Variants in TYW1 observed in about 807,000 individuals in gnomAD.
TYW1 encodes tRNA-yW synthesizing protein 1 homolog, also known as S-adenosyl-L-methionine-dependent tRNA 4-demethylwyosine synthase TYW1.
In TYW1, 46 loss-of-function variants were observed where a neutral mutation model predicts 96.2. That is an observed-to-expected ratio of 0.48 (90% CI 0.38 to 0.61). The LOEUF (loss-of-function observed/expected upper bound fraction) is 0.61, where lower values mean the gene tolerates loss of function less well. Among genes scored for constraint, TYW1 ranks in the 20% least tolerant of loss-of-function variants. TYW1 has a pLI of 0.00. For missense variants in TYW1, 684 were observed against 909.6 expected, an observed-to-expected ratio of 0.75 and a Z score of 3.19; for synonymous variants, 274 against 323.0, an observed-to-expected ratio of 0.85 and a Z score of 1.63.
chr7:67,139,258 G>A (rs919408387), intron 13 of TYW1, among the ~76,000 whole-genome samples: 5 of 152,252 alleles, frequency 3.3e-5, no homozygotes, highest in Admixed American at 6.5e-5. Flanking sequence ...CACTATGTTG[G>A]CCAGGCTGGT....
intron 15 of TYW1, among the ~76,000 whole-genome samples, chr7:67,197,447 G>T (rs889018143): frequency 6.6e-6 from 1 of 151,650 alleles, no homozygotes; most frequent in Admixed American, 6.6e-5. Flanking sequence ...TGCCTTAGCC[G>T]CCCGAGTAGC....
intron 15 of TYW1, among the ~76,000 whole-genome samples, chr7:67,207,008 A>G (rs1800822431): frequency 6.6e-6 from 1 of 151,964 alleles, no homozygotes; most frequent in African/African-American, 2.4e-5. Context: ...TCTTCTGTGC[A>G]TTTATTTGCT....
intron 13 of TYW1, among the ~76,000 whole-genome samples, chr7:67,177,282 A>G (rs867386080): frequency 1.2e-4 from 18 of 151,954 alleles, no homozygotes; most frequent in African/African-American, 4.4e-4. Flanking sequence ...GTAAGAGCTT[A>G]TCTTCATGCT....
At chr7:67,105,016 T>A (rs1465543184) in intron 12 of TYW1, among the ~76,000 whole-genome samples, 1 of 152,260 alleles carries the variant, frequency 6.6e-6, no homozygotes, top group Non-Finnish European at 1.5e-5. Flanking sequence ...TCTACTCACA[T>A]GGCCTCTCAT....
chr7:67,052,233 A>T (rs546923877), intron 8 of TYW1, among the ~76,000 whole-genome samples: 1 of 152,150 alleles, frequency 6.6e-6, no homozygotes, highest in East Asian at 1.9e-4. Context: ...TATTTCTTCA[A>T]ATATTCTCCT....
At chr7:67,061,472 T>G (rs1427067077) in intron 9 of TYW1, among the ~76,000 whole-genome samples, 1 of 152,198 alleles carries the variant, frequency 6.6e-6, no homozygotes, top group East Asian at 1.9e-4. Context: ...TTTAAAAACC[T>G]CCTGAGCTAG....
rs56770876 is a variant in TYW1, at chr7:67,062,566, C to CAAAAAAAA, written c.1156-4711_1156-4704dup. Among the ~76,000 whole-genome samples the CAAAAAAAA allele has an allele frequency of 7.7e-4, 69 of 89,152 alleles. 2 individuals are homozygous for CAAAAAAAA. Among genetic ancestry groups the CAAAAAAAA allele is most frequent in the South Asian group, 1.5e-3 (4 of 2,734 alleles). The allele number at this position is 89,152 out of a possible 152,430, so 58.5% of individuals were successfully genotyped here. A position where few individuals can be genotyped will look rare whatever the true frequency, so the allele number is the denominator to read the frequency against. On this transcript the variant is annotated intron_variant, in intron 9 of 15. Coordinates refer to ENST00000359626, the MANE Select transcript of TYW1 (RefSeq NM_018264.4). Reference sequence around the variant, plus strand: ...TGGGTGACAGAGCGAGACTCCGTCTCAAAAAAAAAAAAAAAGAAAAGAAAA... The same window carrying CAAAAAAAA: ...TGGGTGACAGAGCGAGACTCCGTCTCAAAAAAAAAAAAAAAAAAAAAAAGAAAAGAAAA...
At chr7:67,054,544 A>T (rs186700541) in intron 8 of TYW1, among the ~76,000 whole-genome samples, 2 of 146,716 alleles carry the variant, frequency 1.4e-5, no homozygotes, top group Non-Finnish European at 2.9e-5. Context: ...ACATAAATAC[A>T]GAAGAGGATA....
intron 6 of TYW1, among the ~76,000 whole-genome samples, chr7:67,022,889 T>G (rs1794321253): frequency 6.6e-6 from 1 of 152,178 alleles, no homozygotes; most frequent in African/African-American, 2.4e-5. Flanking sequence ...GTCTCAGGCT[T>G]GGTTTCAAAT....
intron 15 of TYW1, among the ~76,000 whole-genome samples, chr7:67,203,316 G>A (rs1453099342): frequency 6.6e-6 from 1 of 152,150 alleles, no homozygotes; most frequent in Non-Finnish European, 1.5e-5. Context: ...CAACCTGCCT[G>A]TATCATTATA....
At chr7:67,084,294 C>T (rs1796474864) in intron 11 of TYW1, among the ~76,000 whole-genome samples, 2 of 152,264 alleles carry the variant, frequency 1.3e-5, no homozygotes, top group African/African-American at 2.4e-5. Flanking sequence ...ATAACAGTTT[C>T]TTCCATCTAA....
intron 13 of TYW1, among the ~76,000 whole-genome samples, chr7:67,176,623 G>T (rs1200811690): frequency 6.6e-6 from 1 of 151,954 alleles, no homozygotes; most frequent in East Asian, 1.9e-4. Flanking sequence ...AGCAACACTG[G>T]CTTATAGATT....
intron 5 of TYW1, 39 bp downstream of exon 5, chr7:67,014,600 TAAAC>T: frequency 6.3e-7 from 1 of 1,575,438 alleles, no homozygotes; most frequent in Non-Finnish European, 8.6e-7. Context: ...ATTCTCCCCA[TAAAC>T]ACACACACAC....
chr7:67,222,866 C>CTTTTT (rs570972265), intron 15 of TYW1, among the ~76,000 whole-genome samples: 3 of 109,628 alleles, frequency 2.7e-5, no homozygotes, highest in Non-Finnish European at 3.7e-5. Context: ...CGCTTTTTTT[C>CTTTTT]TTTTTTTTTT....
intron 13 of TYW1, among the ~76,000 whole-genome samples, chr7:67,142,984 C>T (rs1372078390): frequency 1.3e-5 from 2 of 149,722 alleles, no homozygotes; most frequent in East Asian, 2.0e-4. Context: ...ACCCGGGGGG[C>T]GGAAGTTGAA....
intron 14 of TYW1, among the ~76,000 whole-genome samples, chr7:67,190,097 C>T (rs2116327792): frequency 6.6e-6 from 1 of 152,158 alleles, no homozygotes; most frequent in South Asian, 2.1e-4. Context: ...AAACTACTTA[C>T]TGTTGGCACC....
intron 13 of TYW1, among the ~76,000 whole-genome samples, chr7:67,160,777 A>G (rs1313576580): frequency 2.0e-5 from 3 of 151,298 alleles, no homozygotes; most frequent in Non-Finnish European, 4.4e-5. Context: ...CTTTTAGTAG[A>G]GATAGGGTTT....
intron 15 of TYW1, among the ~76,000 whole-genome samples, chr7:67,229,925 C>T (rs1801694680): frequency 6.6e-6 from 1 of 152,228 alleles, no homozygotes; most frequent in Non-Finnish European, 1.5e-5. Flanking sequence ...GCACTCCAGT[C>T]TGGGTGACAG....
At chr7:67,109,214 C>G (rs1284022017) in intron 12 of TYW1, among the ~76,000 whole-genome samples, 1 of 134,896 alleles carries the variant, frequency 7.4e-6, no homozygotes, top group Non-Finnish European at 1.5e-5. Context: ...GCAGAGCTTG[C>G]AGTGAGCCGA....
Sources: allele counts gnomAD v4.1 joint callset (sites outside exome capture counted in the v4.1 genomes callset), GRCh38; gene constraint gnomAD v4.1.1; transcripts MANE v1.5; gene names NCBI Gene and HGNC (gene_info 2026-07-23, HGNC 2026-07-21).